LRRC49: variants seen among roughly 807,000 people sequenced by gnomAD.
The protein encoded by LRRC49 is leucine-rich repeat-containing protein 49.
Under a neutral mutation model 83.3 loss-of-function variants are expected in LRRC49, and 50 were observed. The observed-to-expected ratio is 0.60, with a 90% CI of 0.48 to 0.76. LRRC49 has a LOEUF of 0.76. LRRC49 is among the 30% of genes least tolerant of loss of function. LRRC49 has a pLI of 0.00. For missense variants in LRRC49, 704 were observed against 809.1 expected (o/e 0.87, Z 1.58); for synonymous variants, 286 against 283.3 (o/e 1.01, Z -0.10).
chr15:70,956,270 C>A (rs749440894), intron 8 of LRRC49, among the ~76,000 whole-genome samples: 1 of 151,864 alleles, frequency 6.6e-6, no homozygotes, highest in Non-Finnish European at 1.5e-5. Context: ...CTTTTCCTTT[C>A]GGGATATGAA....
intron 9 of LRRC49, among the ~76,000 whole-genome samples, chr15:70,978,718 A>G (rs1387112649): frequency 6.6e-6 from 1 of 152,190 alleles, no homozygotes; most frequent in Non-Finnish European, 1.5e-5. Context: ...CATGGTTCAT[A>G]CATTCATAGA....
At position 70,859,843 on chromosome 15, in the gene LRRC49, G is replaced by A. The variant is rs1484904649; in HGVS notation, c.-299+6374G>A. 3.9e-6 allele frequency: 3 copies of A among 766,030 alleles called. No homozygotes were observed. In the African/African-American group the frequency reaches 5.1e-5, roughly 13 times the overall value. The allele number at this position is 766,030 out of a possible 1,614,324, so 47.5% of individuals were successfully genotyped here. A position where few individuals can be genotyped will look rare whatever the true frequency, so the allele number is the denominator to read the frequency against. ...GGCAGCTGCGTGAGTACCAGGAGCT[G>A]ATGAATGTCAAGCTGGCCTTGGGCA... On this transcript the variant is annotated intron_variant, in intron 1 of 16. Coordinates refer to the LRRC49 transcript ENST00000544974.
chr15:71,024,910 A>G (rs1380624238), intron 14 of LRRC49, among the ~76,000 whole-genome samples: 1 of 152,206 alleles, frequency 6.6e-6, no homozygotes, highest in Non-Finnish European at 1.5e-5. Context: ...AACCACAAGT[A>G]TCAATAACTG....
At chr15:70,892,103 T>C (rs1232193500), upstream of LRRC49, 2 of 1,613,888 alleles carry the variant, frequency 1.2e-6, no homozygotes, top group East Asian at 2.2e-5. Context: ...TGGGGCAAAG[T>C]GGTCAGAGCA....
At chr15:70,893,860 GT>G (rs200026621) in intron 2 of LRRC49, among the ~76,000 whole-genome samples, 28 of 148,224 alleles carry the variant, frequency 1.9e-4, no homozygotes, top group African/African-American at 6.8e-4. Context: ...AAGGGTAAGG[GT>G]TTTTTTGTTT....
At chr15:70,969,378 T>G (rs547457925) in intron 9 of LRRC49, among the ~76,000 whole-genome samples, 1 of 152,320 alleles carries the variant, frequency 6.6e-6, no homozygotes, top group South Asian at 2.1e-4. Context: ...TTGTTTTGGT[T>G]ACTGTAGCCT....
chr15:70,856,284 A>C (rs1024609945), intron 1 of LRRC49, among the ~76,000 whole-genome samples: 1 of 152,210 alleles, frequency 6.6e-6, no homozygotes, highest in African/African-American at 2.4e-5. Flanking sequence ...CCTTACATTC[A>C]AACATATCTG....
intron 5 of LRRC49, among the ~76,000 whole-genome samples, chr15:70,906,061 GAGA>G (rs2034294121): frequency 6.6e-6 from 1 of 151,454 alleles, no homozygotes. Context: ...AGAAAGGTGG[GAGA>G]AGGTCAGAGA....
chr15:70,912,650 G>C (rs1346493657), intron 6 of LRRC49, among the ~76,000 whole-genome samples: 1 of 151,632 alleles, frequency 6.6e-6, no homozygotes, highest in Admixed American at 6.6e-5. Context: ...GTATCTGTCT[G>C]AATTTCTATA....
intron 7 of LRRC49, among the ~76,000 whole-genome samples, chr15:70,921,789 G>C (rs2035015609): frequency 6.6e-6 from 1 of 152,274 alleles, no homozygotes; most frequent in Non-Finnish European, 1.5e-5. Flanking sequence ...TCATTTGTGT[G>C]TATTTTTATT....
intron 11 of LRRC49, among the ~76,000 whole-genome samples, chr15:70,989,784 G>T (rs1251932897): frequency 2.0e-5 from 3 of 152,124 alleles, no homozygotes; most frequent in Non-Finnish European, 2.9e-5. Context: ...GGTCTTTGAT[G>T]ATGGTGATGT....
At chr15:70,882,840 T>C (rs574456869) in intron 2 of LRRC49, 1 of 1,614,154 alleles carries the variant, frequency 6.2e-7, no homozygotes, top group African/African-American at 1.3e-5. Flanking sequence ...GAGTAGGTAC[T>C]GAAGTGACAG....
At chr15:70,928,321 TA>T (rs1485821775) in intron 7 of LRRC49, among the ~76,000 whole-genome samples, 1 of 152,114 alleles carries the variant, frequency 6.6e-6, no homozygotes, top group Non-Finnish European at 1.5e-5. Context: ...CGATATTCAG[TA>T]AAAAAATCTG....
chr15:70,898,257 A>G (rs564906731), intron 3 of LRRC49: 11 of 598,670 alleles, frequency 1.8e-5, no homozygotes, highest in African/African-American at 9.3e-5. Context: ...TTGAGATGCT[A>G]TTTGTATTGA....
At chr15:70,916,668 G>A (rs534008980) in intron 6 of LRRC49, among the ~76,000 whole-genome samples, 2 of 152,334 alleles carry the variant, frequency 1.3e-5, no homozygotes, top group South Asian at 2.1e-4. Context: ...GCAGCAGGGA[G>A]GCGTGGCTGG....
rs1353939597 is a variant in LRRC49 at position 71,012,877 on chromosome 15, C to T, written c.1667C>T (p.Pro556Leu). Residue 556 changes from proline (P) to leucine (L), a missense_variant, in exon 14 of 16, where the codon CCC (proline) becomes CTC (leucine). Physicochemically the swap from Pro to Leu is moderately conservative, Grantham distance 98. Around this residue, in one of 3 missense-constraint regions of LRRC49, gnomAD observed 275 missense variants for 338.0 expected, o/e 0.81. Coordinates refer to ENST00000260382, the MANE Select transcript of LRRC49 (RefSeq NM_017691.5). ...ILAHVASSEL[P>L]QYRLISILGD... ...GCACATGTAGCATCTTCTGAGTTAC[C>T]CCAGTATCGTCTGATTTCCATTCTG... The T allele has an allele frequency of 1.2e-6, 2 of 1,612,828 alleles. No homozygotes were observed. Among genetic ancestry groups the T allele is most frequent in the Non-Finnish European group, 1.7e-6 (2 of 1,179,230 alleles).
upstream of LRRC49, among the ~76,000 whole-genome samples, chr15:70,888,248 GT>G (rs1480811949): frequency 1.3e-5 from 2 of 152,044 alleles, no homozygotes; most frequent in Non-Finnish European, 2.9e-5. Context: ...CATGAACAAG[GT>G]AAGAGGTATT....
In LRRC49 at chr15:71,037,111, CA is replaced by C. The variant is rs555171774; in HGVS notation, c.1704-62del. 3.8e-4 allele frequency: 432 copies of C among 1,135,726 alleles called. 4 individuals carry two copies. The South Asian group carries it at 5.5e-3, about 15-fold the overall frequency. 70.4% of individuals were successfully genotyped at this position (1,135,726 alleles called of 1,614,324 possible). ...AGTATATGTTCTCCTCTAAAGTCAA[CA>C]AAAAATAGACATGTTTTAGTAAGTC... On this transcript the variant is annotated intron_variant, in intron 14 of 15. Transcript: ENST00000260382.
intron 8 of LRRC49, among the ~76,000 whole-genome samples, chr15:70,944,075 AT>A (rs2035920201): frequency 6.6e-6 from 1 of 152,044 alleles, no homozygotes; most frequent in Non-Finnish European, 1.5e-5. Flanking sequence ...CCCATGCTCC[AT>A]TTTTTTCCCA....
Sources: allele counts gnomAD v4.1 joint callset (sites outside exome capture counted in the v4.1 genomes callset), GRCh38; gene constraint gnomAD v4.1.1; regional missense constraint gnomAD v4.1.1; transcripts MANE v1.5; gene names NCBI Gene and HGNC (gene_info 2026-07-23, HGNC 2026-07-21).